The following GPC6 variants were observed in gnomAD, a reference collection of about 807,000 sequenced individuals.
GPC6 encodes glypican-6.
A neutral mutation model predicts 55.2 loss-of-function variants in GPC6; 14 were observed. That is an observed-to-expected ratio of 0.25 (90% confidence interval 0.17 to 0.40). The LOEUF (loss-of-function observed/expected upper bound fraction) is 0.40. GPC6 is among the 10% of genes least tolerant of loss of function. The probability of loss-of-function intolerance (pLI) is 1.00; values close to 1 mark genes in which losing one functional copy is unlikely to be tolerated. For missense variants in GPC6, 641 were observed against 708.5 expected (o/e 0.90, Z 1.08); for synonymous variants, 278 against 259.6 (o/e 1.07, Z -0.68).
At chr13:93,958,708 AT>A (rs1203380891) in intron 3 of GPC6, among the ~76,000 whole-genome samples, 2 of 151,854 alleles carry the variant, frequency 1.3e-5, no homozygotes, top group African/African-American at 2.4e-5. Context: ...TAATTTTAGA[AT>A]TTTTTTCTAA....
At chr13:93,702,577 G>A (rs1472656723) in intron 2 of GPC6, among the ~76,000 whole-genome samples, 6 of 151,928 alleles carry the variant, frequency 3.9e-5, no homozygotes, top group Admixed American at 6.6e-5. Context: ...GAATGTCCTC[G>A]ATGGCATCTC....
chr13:94,324,151 A>G (rs1440054081), intron 6 of GPC6, among the ~76,000 whole-genome samples: 2 of 152,148 alleles, frequency 1.3e-5, no homozygotes, highest in Non-Finnish European at 2.9e-5. Flanking sequence ...ACATGAAGGT[A>G]TTTGGGAAGG....
chr13:93,601,869 A>C (rs969444920), intron 2 of GPC6, among the ~76,000 whole-genome samples: 3 of 152,242 alleles, frequency 2.0e-5, no homozygotes, highest in Admixed American at 6.5e-5. Flanking sequence ...TGTATTTTAA[A>C]AATCGTATCT....
intron 4 of GPC6, among the ~76,000 whole-genome samples, chr13:94,068,443 G>C (rs995032747): frequency 1.2e-4 from 18 of 152,058 alleles, no homozygotes; most frequent in African/African-American, 3.9e-4. Flanking sequence ...TTCCACCCCT[G>C]GCTCCTCTCA....
intron 1 of GPC6, among the ~76,000 whole-genome samples, chr13:93,522,184 A>G (rs1566402644): frequency 6.6e-6 from 1 of 151,924 alleles, no homozygotes; most frequent in Admixed American, 6.6e-5. Context: ...GCCTGTCATT[A>G]TCTTTGAGCT....
intron 3 of GPC6, among the ~76,000 whole-genome samples, chr13:93,867,246 T>G (rs527526242): frequency 1.3e-5 from 2 of 151,802 alleles, no homozygotes; most frequent in Non-Finnish European, 2.9e-5. Context: ...AAACTCTTTG[T>G]AGAAAACTTG....
intron 3 of GPC6, among the ~76,000 whole-genome samples, chr13:93,900,553 A>G (rs1876287083): frequency 6.6e-6 from 1 of 152,204 alleles, no homozygotes. Flanking sequence ...TGTTTAAAAA[A>G]TAGAACGCTG....
At chr13:93,282,670 A>T (rs968513621) in intron 1 of GPC6, among the ~76,000 whole-genome samples, 13 of 152,138 alleles carry the variant, frequency 8.5e-5, no homozygotes, top group Non-Finnish European at 1.6e-4. Context: ...AAATAATCAA[A>T]TATTTTACAC....
intron 6 of GPC6, among the ~76,000 whole-genome samples, chr13:94,344,653 T>G (rs1878198236): frequency 6.6e-6 from 1 of 152,216 alleles, no homozygotes; most frequent in Non-Finnish European, 1.5e-5. Context: ...CCGAATCCCT[T>G]CCCAGGAGTA....
rs116356425 is a variant in GPC6 at position 93,392,662 on chromosome 13, A to C, written c.161-152601A>C. Among the ~76,000 whole-genome samples, 456 of 152,316 alleles carry C rather than the reference A, an allele frequency of 3.0e-3. 4 individuals carry two copies. Among genetic ancestry groups the C allele is most frequent in the African/African-American group, 0.011 (447 of 41,574 alleles). ...GGGAGAGAATATAAAACACAAAATTAAATATATGGGCAATGTTTCCTTTTT... is the reference window on the plus strand; with the variant it reads ...GGGAGAGAATATAAAACACAAAATTCAATATATGGGCAATGTTTCCTTTTT... On this transcript the variant is annotated intron_variant, in intron 1 of 8. Transcript: ENST00000377047.
chr13:93,543,816 C>T (rs1882427881), intron 1 of GPC6, among the ~76,000 whole-genome samples: 1 of 152,066 alleles, frequency 6.6e-6, no homozygotes, highest in Non-Finnish European at 1.5e-5. Flanking sequence ...GTATTGATTT[C>T]CTTCTCTTCA....
chr13:93,541,871 G>C (rs1213305022), intron 1 of GPC6, among the ~76,000 whole-genome samples: 1 of 150,360 alleles, frequency 6.7e-6, no homozygotes, highest in Non-Finnish European at 1.5e-5. Flanking sequence ...TTTTGATGGG[G>C]TTGTTTTTTT....
In GPC6 at chr13:94,281,694, G is replaced by GGCTA. The variant is rs149546250; in HGVS notation, c.878-4651_878-4648dup. Among the ~76,000 whole-genome samples the GGCTA allele has an allele frequency of 5.9e-3, 902 of 152,216 alleles. 9 individuals carry two copies. The highest frequency in any genetic ancestry group is 0.02 in the African/African-American group (848 of 41,544). ...ATGCCATCCAGACATAGCAGATAAT[G>GGCTA]GCTAGCTCCCTGTGTCAAGAGACTT... On this transcript the variant is annotated intron_variant, in intron 4 of 8. Transcript: ENST00000377047.
At chr13:93,444,539 G>A (rs547292065) in intron 1 of GPC6, among the ~76,000 whole-genome samples, 3 of 152,104 alleles carry the variant, frequency 2.0e-5, no homozygotes, top group South Asian at 2.1e-4. Context: ...CCTGGGAAGC[G>A]GAGGTTGCAG....
intron 2 of GPC6, among the ~76,000 whole-genome samples, chr13:93,670,696 A>C (rs1881324073): frequency 6.6e-6 from 1 of 152,224 alleles, no homozygotes; most frequent in African/African-American, 2.4e-5. Flanking sequence ...CCCCAGATGT[A>C]ATAAATGCTT....
rs11476323 is a variant in GPC6, at chr13:93,705,814, G to GTT, written c.320-124328_320-124327dup. On this transcript the variant is annotated intron_variant, in intron 2 of 8. Transcript: ENST00000377047. ...TTCTGAATGCCCCAGCATCCTTTCT[G>GTT]TTTTTTTTTTTTTGTATACTTCCTA... 1.2e-3 allele frequency among the ~76,000 whole-genome samples: 175 copies of GTT among 140,088 alleles called. 3 individuals are homozygous for GTT. Among genetic ancestry groups the GTT allele is most frequent in the South Asian group, 5.1e-3 (22 of 4,332 alleles). The allele number at this position is 140,088 out of a possible 152,430, so 91.9% of individuals were successfully genotyped here.
At chr13:93,458,569 A>G (rs1406493096) in intron 1 of GPC6, among the ~76,000 whole-genome samples, 3 of 152,202 alleles carry the variant, frequency 2.0e-5, no homozygotes, top group African/African-American at 7.2e-5. Flanking sequence ...TGTAATAAGT[A>G]TTACATTAAA....
intron 1 of GPC6, among the ~76,000 whole-genome samples, chr13:93,324,668 TAAAA>T (rs1879588438): frequency 6.7e-6 from 1 of 149,232 alleles, no homozygotes; most frequent in Non-Finnish European, 1.5e-5. Context: ...CCACTAAAAT[TAAAA>T]ATAAAAATTT....
chr13:93,965,919 A>G (rs575916263), intron 3 of GPC6, among the ~76,000 whole-genome samples: 1 of 152,330 alleles, frequency 6.6e-6, no homozygotes, highest in South Asian at 2.1e-4. Flanking sequence ...CTGAAAAAGT[A>G]GAGTGAAAAA....
Sources: gnomAD v4.1 joint callset for allele counts (sites outside exome capture counted in the v4.1 genomes callset) on GRCh38, gnomAD v4.1.1 for gene constraint, MANE v1.5 for transcripts, NCBI Gene and HGNC (gene_info 2026-07-23, HGNC 2026-07-21) for gene names.